FOXJ3: variants seen among roughly 807,000 people sequenced by gnomAD.
FOXJ3 encodes forkhead box protein J3.
Under a neutral mutation model 76.1 loss-of-function variants are expected in FOXJ3, and 22 were observed. The observed-to-expected ratio is 0.29, with a 90% CI of 0.21 to 0.41. The LOEUF (loss-of-function observed/expected upper bound fraction) is 0.41, where lower values mean the gene tolerates loss of function less well. FOXJ3 is among the 10% of genes least tolerant of loss of function. The pLI is 1.00. For missense variants in FOXJ3, 613 were observed against 762.1 expected, an observed-to-expected ratio of 0.80 and a Z score of 2.30; for synonymous variants, 269 against 261.2, an observed-to-expected ratio of 1.03 and a Z score of -0.29.
intron 10 of FOXJ3, 159 bp downstream of exon 10, chr1:42,189,144 T>C: frequency 1.6e-6 from 1 of 631,050 alleles, no homozygotes; most frequent in South Asian, 2.2e-5. Flanking sequence ...TCTGTGACCC[T>C]CTGCTATACC....
intron 5 of FOXJ3, among the ~76,000 whole-genome samples, chr1:42,219,490 TC>T (rs1647136890): frequency 6.6e-6 from 1 of 152,056 alleles, no homozygotes; most frequent in Non-Finnish European, 1.5e-5. Context: ...CTCAGGGAGG[TC>T]TACTGTACCA....
intron 3 of FOXJ3, 53 bp from the exon 4 acceptor site, chr1:42,265,242 C>T (rs1447341762): frequency 1.1e-6 from 1 of 927,694 alleles, no homozygotes; most frequent in African/African-American, 1.7e-5. Flanking sequence ...AAAACATAAC[C>T]CAAATTTAAA....
intron 2 of FOXJ3, among the ~76,000 whole-genome samples, chr1:42,293,130 G>A (rs1371470325): frequency 6.6e-6 from 1 of 152,060 alleles, no homozygotes; most frequent in African/African-American, 2.4e-5. Flanking sequence ...AAGTATTTGT[G>A]ATTTGGAATA....
chr1:42,284,958 AACTG>A (rs1652955056), intron 2 of FOXJ3, among the ~76,000 whole-genome samples: 1 of 152,202 alleles, frequency 6.6e-6, no homozygotes. Context: ...ACTACTTCAA[AACTG>A]ACTTTCTTAG....
chr1:42,295,266 T>C (rs191136650), intron 2 of FOXJ3, among the ~76,000 whole-genome samples: 12 of 152,236 alleles, frequency 7.9e-5, no homozygotes, highest in Non-Finnish European at 1.6e-4. Flanking sequence ...TTTATGTACA[T>C]GCATACCTAT....
At chr1:42,205,145 A>C (rs1179708835) in intron 6 of FOXJ3, among the ~76,000 whole-genome samples, 1 of 152,168 alleles carries the variant, frequency 6.6e-6, no homozygotes, top group East Asian at 1.9e-4. Context: ...AACCTCCCAG[A>C]GTCTTTTTAG....
chr1:42,330,087 A>C (rs1480847478), intron 1 of FOXJ3, among the ~76,000 whole-genome samples: 1 of 152,186 alleles, frequency 6.6e-6, no homozygotes, highest in Non-Finnish European at 1.5e-5. Flanking sequence ...AAAATCTACG[A>C]TATATTTATA....
intron 4 of FOXJ3, among the ~76,000 whole-genome samples, chr1:42,249,290 G>C (rs943557140): frequency 6.6e-6 from 1 of 152,118 alleles, no homozygotes; most frequent in Admixed American, 6.5e-5. Context: ...ATTTCTTTGG[G>C]TATAAGGCTC....
rs183586145 is a variant in FOXJ3, at chr1:42,294,687, G to A, written c.45-16015C>T. On this transcript the variant is annotated intron_variant, in intron 2 of 12. Transcript: ENST00000361346. Reference sequence around the variant, plus strand: ...TGAGGCAGGAGAACTGCTTGAACCCGGGAGGCGGAGGCTGCAGTGAGCAGA... The same window carrying A: ...TGAGGCAGGAGAACTGCTTGAACCCAGGAGGCGGAGGCTGCAGTGAGCAGA... 9.8e-3 allele frequency among the ~76,000 whole-genome samples: 1,493 copies of A among 151,592 alleles called. 32 individuals are homozygous for A. Among genetic ancestry groups the A allele is most frequent in the African/African-American group, 0.035 (1,435 of 41,274 alleles).
At chr1:42,248,877 T>C (rs1294022560) in intron 4 of FOXJ3, among the ~76,000 whole-genome samples, 1 of 151,962 alleles carries the variant, frequency 6.6e-6, no homozygotes, top group Non-Finnish European at 1.5e-5. Context: ...TATTAGCTAT[T>C]TGTCCTGATG....
chr1:42,234,676 T>G (rs993218933), intron 4 of FOXJ3, among the ~76,000 whole-genome samples: 2 of 152,138 alleles, frequency 1.3e-5, no homozygotes, highest in African/African-American at 4.8e-5. Context: ...TCCAGACCGT[T>G]TGCCTGGGTA....
intron 3 of FOXJ3, among the ~76,000 whole-genome samples, chr1:42,268,436 T>C (rs1419136673): frequency 6.6e-6 from 1 of 152,070 alleles, no homozygotes; most frequent in South Asian, 2.1e-4. Flanking sequence ...GAAGTTCTTT[T>C]GGCAGAAGTA....
intron 1 of FOXJ3, among the ~76,000 whole-genome samples, chr1:42,320,130 T>C (rs1159779414): frequency 2.0e-5 from 3 of 152,198 alleles, no homozygotes; most frequent in Non-Finnish European, 2.9e-5. Flanking sequence ...TTTTAAAGAC[T>C]GTTTTAACAG....
chr1:42,225,641 C>G (rs1647494529), intron 5 of FOXJ3, among the ~76,000 whole-genome samples: 1 of 152,058 alleles, frequency 6.6e-6, no homozygotes, highest in South Asian at 2.1e-4. Context: ...TCGAAAGGCC[C>G]TGGTATGTTT....
At chr1:42,222,726 T>C (rs546845783) in intron 5 of FOXJ3, among the ~76,000 whole-genome samples, 1 of 152,300 alleles carries the variant, frequency 6.6e-6, no homozygotes, top group African/African-American at 2.4e-5. Flanking sequence ...TACTCCTACC[T>C]TTCTCACTCT....
intron 3 of FOXJ3, among the ~76,000 whole-genome samples, chr1:42,271,121 C>T (rs2124647652): frequency 6.6e-6 from 1 of 152,240 alleles, no homozygotes; most frequent in African/African-American, 2.4e-5. Context: ...CACAAATCTA[C>T]TAAGTTGATG....
intron 1 of FOXJ3, among the ~76,000 whole-genome samples, chr1:42,311,989 C>T (rs1202277707): frequency 1.3e-5 from 2 of 152,162 alleles, no homozygotes; most frequent in Non-Finnish European, 2.9e-5. Flanking sequence ...AATGGTAACA[C>T]ATAAATGGGA....
intron 4 of FOXJ3, among the ~76,000 whole-genome samples, chr1:42,230,369 C>T (rs1315553083): frequency 2.6e-5 from 4 of 152,092 alleles, no homozygotes; most frequent in Admixed American, 2.6e-4. Context: ...GGCTAAGTAT[C>T]CCTTATCCAA....
intron 2 of FOXJ3, among the ~76,000 whole-genome samples, chr1:42,282,771 T>C (rs1652810816): frequency 6.6e-6 from 1 of 152,162 alleles, no homozygotes; most frequent in Non-Finnish European, 1.5e-5. Flanking sequence ...GTCAATCCCC[T>C]CTTTCCATCC....
Sources: gnomAD v4.1 joint callset for allele counts (sites outside exome capture counted in the v4.1 genomes callset) on GRCh38, gnomAD v4.1.1 for gene constraint, MANE v1.5 for transcripts, NCBI Gene and HGNC (gene_info 2026-07-23, HGNC 2026-07-21) for gene names.